The following RAB3C variants were observed in gnomAD, a reference collection of about 807,000 sequenced individuals.
RAB3C encodes ras-related protein Rab-3C.
In RAB3C, 17 loss-of-function variants were observed where a neutral mutation model predicts 26.4. That is an observed-to-expected ratio of 0.64 (90% CI 0.44 to 0.97). The LOEUF is 0.97. Among genes scored for constraint, RAB3C ranks in the 50% least tolerant of loss-of-function variants. RAB3C has a pLI of 0.00. For synonymous variants in RAB3C, 91 were observed against 95.9 expected (o/e 0.95, Z 0.30); for missense variants, 242 against 281.9 (o/e 0.86, Z 1.01).
At chr5:58,737,230 C>G (rs1741157948) in intron 3 of RAB3C, among the ~76,000 whole-genome samples, 1 of 151,614 alleles carries the variant, frequency 6.6e-6, no homozygotes, top group South Asian at 2.1e-4. Context: ...CTCAGATACC[C>G]TTATGGTAGC....
At chr5:58,589,627 C>T (rs373460868) in intron 1 of RAB3C, among the ~76,000 whole-genome samples, 1 of 151,972 alleles carries the variant, frequency 6.6e-6, no homozygotes, top group Non-Finnish European at 1.5e-5. Context: ...CTATGTATCT[C>T]CCTTTAGTAT....
At chr5:58,778,171 T>C (rs924842710) in intron 3 of RAB3C, among the ~76,000 whole-genome samples, 1 of 152,126 alleles carries the variant, frequency 6.6e-6, no homozygotes, top group Non-Finnish European at 1.5e-5. Context: ...AGTTTTTAGC[T>C]CTAAATATCA....
At chr5:58,789,491 T>G (rs966058453) in intron 3 of RAB3C, among the ~76,000 whole-genome samples, 4 of 152,202 alleles carry the variant, frequency 2.6e-5, no homozygotes, top group Non-Finnish European at 4.4e-5. Flanking sequence ...GTTTTCTGTT[T>G]TATTGGAAGT....
Position 58,760,822 on chromosome 5 carries a change from A to ATTAAT in RAB3C, c.371+34702_371+34703insTTAAT, listed in dbSNP as rs1741779606. Among the ~76,000 whole-genome samples, 5 of 152,196 alleles carry ATTAAT rather than the reference A, an allele frequency of 3.3e-5. No individual in the cohort carries two copies. The South Asian group carries it at 1.0e-3, about 32-fold the overall frequency. ...ACAGTCTAGTTAATGGAGACATGTC[A>ATTAAT]GGAACACGTGTGTCTAAAAACATCA... On this transcript the variant is annotated intron_variant, in intron 3 of 4. Transcript: ENST00000282878.
chr5:58,823,264 A>G (rs1203591823), intron 3 of RAB3C: 3 of 244,142 alleles, frequency 1.2e-5, no homozygotes, highest in Non-Finnish European at 2.5e-5. Context: ...GGTGGCTCAC[A>G]GTCCCAGCAC....
intron 2 of RAB3C, among the ~76,000 whole-genome samples, chr5:58,684,890 G>C (rs1321756252): frequency 6.6e-6 from 1 of 152,108 alleles, no homozygotes; most frequent in African/African-American, 2.4e-5. Flanking sequence ...CTATCCACTT[G>C]TTTTAGAGGC....
intron 1 of RAB3C, among the ~76,000 whole-genome samples, chr5:58,615,048 G>T (rs1746795729): frequency 6.6e-6 from 1 of 152,058 alleles, no homozygotes; most frequent in African/African-American, 2.4e-5. Context: ...TGCAGATTGT[G>T]GTGTCCATGG....
At chr5:58,629,648 A>G (rs1026910332) in intron 2 of RAB3C, among the ~76,000 whole-genome samples, 24 of 152,174 alleles carry the variant, frequency 1.6e-4, no homozygotes, top group African/African-American at 5.5e-4. Context: ...AATGGAAAAA[A>G]GGGGAGCGTT....
intron 4 of RAB3C, among the ~76,000 whole-genome samples, chr5:58,842,754 T>G (rs748568362): frequency 2.6e-5 from 4 of 152,204 alleles, no homozygotes; most frequent in African/African-American, 7.2e-5. Context: ...CTTTCAGAAT[T>G]TGTCACTATA....
At position 58,856,964 on chromosome 5, in the gene RAB3C, C is replaced by T. The variant is rs1744274526; in HGVS notation, c.*5613C>T. The T allele has an allele frequency of 6.6e-6, 1 of 152,178 alleles. No homozygotes were observed. The highest frequency in any genetic ancestry group is 2.4e-5 in the African/African-American group (1 of 41,442). The allele number at this position is 152,178 out of a possible 1,614,324, so 9.4% of individuals were successfully genotyped here. On this transcript the variant is annotated 3_prime_UTR_variant, in exon 5 of 5. Coordinates refer to ENST00000282878, the MANE Select transcript of RAB3C (RefSeq NM_138453.4). The stretch of plus-strand genomic sequence containing the variant: ...TCAGACGTGATGTGATACCGTTAGA[C>T]TGTCCAAATGTACAACAATTTAATG...
At chr5:58,763,302 T>C (rs1179116349) in intron 3 of RAB3C, among the ~76,000 whole-genome samples, 1 of 152,222 alleles carries the variant, frequency 6.6e-6, no homozygotes, top group Non-Finnish European at 1.5e-5. Flanking sequence ...CCCAGAATTT[T>C]AGAGTAATCA....
intron 3 of RAB3C, among the ~76,000 whole-genome samples, chr5:58,774,312 T>A (rs1345930223): frequency 6.6e-6 from 1 of 152,148 alleles, no homozygotes; most frequent in Admixed American, 6.6e-5. Context: ...TGCTTCCACC[T>A]AAGCTCTTGA....
chr5:58,649,247 C>T (rs1579837284), intron 2 of RAB3C, among the ~76,000 whole-genome samples: 1 of 152,074 alleles, frequency 6.6e-6, no homozygotes, highest in Non-Finnish European at 1.5e-5. Flanking sequence ...GGATCTAAGA[C>T]ATTGTTTCAA....
intron 2 of RAB3C, among the ~76,000 whole-genome samples, chr5:58,677,487 T>A (rs1163005942): frequency 1.3e-5 from 2 of 152,222 alleles, no homozygotes; most frequent in Admixed American, 1.3e-4. Context: ...GTCTAAGGAA[T>A]AAGACAGGGG....
chr5:58,772,726 G>A (rs1250414541), intron 3 of RAB3C, among the ~76,000 whole-genome samples: 1 of 152,104 alleles, frequency 6.6e-6, no homozygotes, highest in East Asian at 1.9e-4. Context: ...CTGCATTTCA[G>A]CATAATAATC....
chr5:58,779,327 A>G (rs998342188), intron 3 of RAB3C, among the ~76,000 whole-genome samples: 1 of 149,024 alleles, frequency 6.7e-6, no homozygotes, highest in Non-Finnish European at 1.5e-5. Context: ...GGAAATATAT[A>G]CATATATAAT....
At chr5:58,750,698 G>A (rs1418530156) in intron 3 of RAB3C, among the ~76,000 whole-genome samples, 1 of 152,202 alleles carries the variant, frequency 6.6e-6, no homozygotes, top group Non-Finnish European at 1.5e-5. Flanking sequence ...AGTCAATAGA[G>A]TTGTATTAAT....
chr5:58,591,680 G>A, intron 1 of RAB3C, among the ~76,000 whole-genome samples: 1 of 149,392 alleles, frequency 6.7e-6, no homozygotes, highest in East Asian at 2.0e-4. Flanking sequence ...ATAGAGTTGG[G>A]CTTTTCATTT....
chr5:58,635,675 G>A (rs550787937), intron 2 of RAB3C, among the ~76,000 whole-genome samples: 2 of 152,226 alleles, frequency 1.3e-5, no homozygotes, highest in Non-Finnish European at 2.9e-5. Context: ...CAGAGGCTGT[G>A]CTCTAGAGCA....
Sources: allele counts gnomAD v4.1 joint callset (sites outside exome capture counted in the v4.1 genomes callset), GRCh38; gene constraint gnomAD v4.1.1; transcripts MANE v1.5; gene names NCBI Gene and HGNC (gene_info 2026-07-23, HGNC 2026-07-21).